C10orf53: variants seen among roughly 807,000 people sequenced by gnomAD.
C10orf53 encodes the protein chromosome 10 open reading frame 53.
In C10orf53, 8 loss-of-function variants were observed where a neutral mutation model predicts 9.4. That is an observed-to-expected ratio of 0.85 (90% confidence interval 0.50 to 1.53). The LOEUF is 1.53. Among genes scored for constraint, C10orf53 ranks in the 40% most tolerant of loss-of-function variants. C10orf53 has a pLI of 0.00. For synonymous variants in C10orf53, 48 were observed against 46.0 expected, an observed-to-expected ratio of 1.04 and a Z score of -0.18; for missense variants, 117 against 117.8, an observed-to-expected ratio of 0.99 and a Z score of 0.03.
chr10:49,692,504 C>T (rs1398091945), intron 1 of C10orf53, among the ~76,000 whole-genome samples: 2 of 152,228 alleles, frequency 1.3e-5, no homozygotes, highest in African/African-American at 4.8e-5. Flanking sequence ...AATTAACTGA[C>T]ATAACTGTTT....
chr10:49,696,265 ACTGT>A lies in C10orf53; in HGVS notation c.*1667_*1670del, dbSNP rs575532995. On this transcript the variant is annotated 3_prime_UTR_variant, in exon 3 of 3. Coordinates refer to ENST00000374111, the MANE Select transcript of C10orf53 (RefSeq NM_001042427.3). ...GAGCCTCTTCCCGCATGATTTGTTG[ACTGT>A]CTGAGCATTTTATCTTGAATCAGGA... Among the ~76,000 whole-genome samples, 685 of 152,190 alleles carry A rather than the reference ACTGT, an allele frequency of 4.5e-3. No individual in the cohort carries two copies. The highest frequency in any genetic ancestry group is 6.4e-3 in the Non-Finnish European group (433 of 67,996).
At chr10:49,679,851 G>T in intron 1 of C10orf53, 57 bp downstream of exon 1, 1 of 1,442,200 alleles carries the variant, frequency 6.9e-7, no homozygotes, top group Non-Finnish European at 9.1e-7. Flanking sequence ...CATCCGTGCA[G>T]GTGGTGCCCT....
exon 3 of C10orf53, chr10:49,709,945 CTGTGTGTGTGTG>C (rs147584592): frequency 9.0e-6 from 1 of 111,706 alleles, no homozygotes; most frequent in Non-Finnish European, 2.0e-5. Flanking sequence ...CACCCTATAT[CTGTGTGTGTGTG>C]TGTGTGTGTG....
At chr10:49,687,724 G>A (rs1258267) in intron 1 of C10orf53, among the ~76,000 whole-genome samples, 144,492 of 152,284 alleles carry the variant, frequency 0.95, 68,883 homozygotes, top group Middle Eastern at 1. Flanking sequence ...CATTGCGAAG[G>A]GGAGGTGCAG....
chr10:49,694,349 C>A, intron 2 of C10orf53, 189 bp from the exon 3 acceptor site: 1 of 776,524 alleles, frequency 1.3e-6, no homozygotes, highest in Non-Finnish European at 2.0e-6. Flanking sequence ...CAGGCTGGCA[C>A]TGTGCGTGCC....
chr10:49,693,921 A>G, intron 2 of C10orf53, 28 bp downstream of exon 2: 1 of 1,614,208 alleles, frequency 6.2e-7, no homozygotes, highest in Non-Finnish European at 8.5e-7. Flanking sequence ...GCTTCCAGCC[A>G]GCAATTTGCC....
intron 1 of C10orf53, among the ~76,000 whole-genome samples, chr10:49,682,840 G>A (rs1410978413): frequency 6.6e-6 from 1 of 152,094 alleles, no homozygotes; most frequent in Admixed American, 6.6e-5. Flanking sequence ...CCCAGCCCCT[G>A]GTAACCTGCA....
In C10orf53 at chr10:49,694,561, C is replaced by T. The variant is rs369526864; in HGVS notation, c.241C>T (p.Leu81=). ...AGGAGGCGATGGTAAACTAGACCCA[C>T]TGTGTGAAAAGGCCAGGATAGCCGT... ...EFGGDGKLDP[L]CEKARIAVLN... The change falls in exon 3 of 3, where the codon CTG becomes TTG. Residue 81 remains leucine, a synonymous_variant. Coordinates refer to ENST00000374111, the MANE Select transcript of C10orf53 (RefSeq NM_001042427.3). The T allele has an allele frequency of 3.1e-6, 5 of 1,614,244 alleles. No homozygotes were observed. In the South Asian group the frequency reaches 3.3e-5, roughly 11 times the overall value.
chr10:49,706,963 A>T (rs1454546102), intron 2 of C10orf53, among the ~76,000 whole-genome samples: 1 of 152,264 alleles, frequency 6.6e-6, no homozygotes, highest in Non-Finnish European at 1.5e-5. Context: ...ACCTGAGAGC[A>T]AGACGAGTAG....
Position 49,697,185 on chromosome 10 carries a change from C to G in C10orf53, c.*2583C>G, listed in dbSNP as rs1220552096. Reference sequence around the variant, plus strand: ...TCCAGCCTGGGTGACAAAGTGAGACCCTGTCTCAGAAAATAAAATAAAGAT... The same window carrying G: ...TCCAGCCTGGGTGACAAAGTGAGACGCTGTCTCAGAAAATAAAATAAAGAT... On this transcript the variant is annotated 3_prime_UTR_variant, in exon 3 of 3. Transcript: ENST00000374111. Among the ~76,000 whole-genome samples, 2 of 152,116 alleles carry G rather than the reference C, an allele frequency of 1.3e-5. No homozygotes were observed. Among genetic ancestry groups the G allele is most frequent in the Non-Finnish European group, 2.9e-5 (2 of 68,026 alleles).
At chr10:49,698,672 T>G (rs890758791), downstream of C10orf53, among the ~76,000 whole-genome samples, 1 of 152,182 alleles carries the variant, frequency 6.6e-6, no homozygotes, top group African/African-American at 2.4e-5. Context: ...CGTGTGGAAC[T>G]ATTCTTCCCA....
chr10:49,685,101 C>G (rs182855499), intron 1 of C10orf53, among the ~76,000 whole-genome samples: 9,350 of 152,214 alleles, frequency 0.061, 442 homozygotes, highest in African/African-American at 0.13. Context: ...CCTCTCTGCT[C>G]TCTTTCTCTC....
chr10:49,683,427 C>A (rs1412823749), intron 1 of C10orf53, among the ~76,000 whole-genome samples: 1 of 152,016 alleles, frequency 6.6e-6, no homozygotes, highest in African/African-American at 2.4e-5. Flanking sequence ...AATATGAGAC[C>A]CTTAATAGAT....
chr10:49,702,058 A>G (rs1344728253), downstream of C10orf53, among the ~76,000 whole-genome samples: 2 of 152,028 alleles, frequency 1.3e-5, no homozygotes, highest in Non-Finnish European at 1.5e-5. Context: ...TTAGCCAGGC[A>G]TGGTGGTGGG....
At chr10:49,708,828 G>A (rs567450695) in exon 3 of C10orf53, 49 of 671,524 alleles carry the variant, frequency 7.3e-5, no homozygotes, top group African/African-American at 4.2e-4. Flanking sequence ...CTGTATTCCC[G>A]TGTTGAAGTT....
At chr10:49,702,028 C>G (rs1222309518), downstream of C10orf53, among the ~76,000 whole-genome samples, 1 of 151,990 alleles carries the variant, frequency 6.6e-6, no homozygotes, top group African/African-American at 2.4e-5. Flanking sequence ...ATGGTGAAAC[C>G]CCGTCTCTAC....
chr10:49,701,066 A>G (rs1840679074), downstream of C10orf53, among the ~76,000 whole-genome samples: 2 of 152,204 alleles, frequency 1.3e-5, no homozygotes, highest in African/African-American at 4.8e-5. Flanking sequence ...TCTATTTATT[A>G]AAATCTGCAT....
At chr10:49,702,540 T>A (rs1276692041) in intron 2 of C10orf53, among the ~76,000 whole-genome samples, 1 of 152,174 alleles carries the variant, frequency 6.6e-6, no homozygotes, top group African/African-American at 2.4e-5. Context: ...CAAGCCGGGA[T>A]GTTGATCTTC....
At chr10:49,690,621 A>G (rs1044034301) in intron 1 of C10orf53, among the ~76,000 whole-genome samples, 2 of 152,200 alleles carry the variant, frequency 1.3e-5, no homozygotes, top group Non-Finnish European at 1.5e-5. Flanking sequence ...GTGAAGCTAA[A>G]CTAATGCTTA....
Sources: gnomAD v4.1 joint callset for allele counts (sites outside exome capture counted in the v4.1 genomes callset) on GRCh38, gnomAD v4.1.1 for gene constraint, MANE v1.5 for transcripts, NCBI Gene and HGNC (gene_info 2026-07-23, HGNC 2026-07-21) for gene names.